Variants in PTPRN2 observed in about 807,000 individuals in gnomAD.
PTPRN2 encodes the protein receptor-type tyrosine-protein phosphatase N2.
A neutral mutation model predicts 118.8 loss-of-function variants in PTPRN2; 74 were observed. That is an observed-to-expected ratio of 0.62 (90% CI 0.52 to 0.76). PTPRN2 has a LOEUF of 0.76. PTPRN2 is among the 30% of genes least tolerant of loss of function. The pLI is 0.00. For missense variants in PTPRN2, 1,481 were observed against 1,394.4 expected (o/e 1.06, Z -0.99); for synonymous variants, 641 against 608.0 (o/e 1.05, Z -0.80).
At chr7:158,102,146 G>C (rs903984428) in intron 10 of PTPRN2, among the ~76,000 whole-genome samples, 2 of 152,182 alleles carry the variant, frequency 1.3e-5, no homozygotes, top group Non-Finnish European at 2.9e-5. Flanking sequence ...CTGGAGCCAT[G>C]ATGCTAACAG....
At chr7:157,921,566 G>T (rs1446943853) in intron 11 of PTPRN2, among the ~76,000 whole-genome samples, 1 of 152,206 alleles carries the variant, frequency 6.6e-6, no homozygotes, top group Non-Finnish European at 1.5e-5. Flanking sequence ...GGGACTGATG[G>T]TTTCTTGCAG....
rs539901584 is a variant in PTPRN2, at chr7:157,691,678, C to T, written c.1789-8741G>A. Among the ~76,000 whole-genome samples the T allele has an allele frequency of 3.7e-4, 57 of 152,352 alleles. No individual in the cohort carries two copies. The South Asian group carries it at 9.7e-3, about 26-fold the overall frequency. Reference sequence around the variant, plus strand: ...TGCGAGCTGCGTCCTTGCCCTTCCCCCTACCCAGGTCAATGGTCTGGCCTA... The same window carrying T: ...TGCGAGCTGCGTCCTTGCCCTTCCCTCTACCCAGGTCAATGGTCTGGCCTA... On this transcript the variant is annotated intron_variant, in intron 12 of 22. Transcript: ENST00000389418.
intron 11 of PTPRN2, among the ~76,000 whole-genome samples, chr7:158,001,282 G>A (rs1805238426): frequency 6.6e-6 from 1 of 151,966 alleles, no homozygotes; most frequent in African/African-American, 2.4e-5. Context: ...CACAGGTAGA[G>A]AGCAGAGGGC....
At chr7:158,502,781 TACTGTGTCCATCAGCC>T (rs1446433896) in intron 1 of PTPRN2, among the ~76,000 whole-genome samples, 3 of 151,928 alleles carry the variant, frequency 2.0e-5, no homozygotes, top group Admixed American at 6.5e-5. Context: ...GTCCATCAAC[TACTGTGTCCATCAGCC>T]ACTGTGTCCA....
At position 158,271,099 on chromosome 7, in the gene PTPRN2, G is replaced by GCCCCCTCCACCTGGACCA. The variant is rs974054579; in HGVS notation, c.277+45702_277+45719dup. ...CTGGACGACCCCCTCCACCTGGGCT[G>GCCCCCTCCACCTGGACCA]CCCCCTCCACCTGGACCACCCCCTC... is the stretch of plus-strand genomic sequence containing the variant. On this transcript the variant is annotated intron_variant, in intron 3 of 22. Transcript: ENST00000389418. Among the ~76,000 whole-genome samples the GCCCCCTCCACCTGGACCA allele has an allele frequency of 4.8e-4, 40 of 84,196 alleles. No individual in the cohort carries two copies. The Middle Eastern group carries it at 0.028, about 58-fold the overall frequency. 55.2% of individuals were successfully genotyped at this position (84,196 alleles called of 152,430 possible).
chr7:157,754,835 ACT>A (rs559793417), intron 12 of PTPRN2, among the ~76,000 whole-genome samples: 155 of 152,254 alleles, frequency 1.0e-3, no homozygotes, highest in African/African-American at 3.6e-3. Flanking sequence ...CTTCATGAAC[ACT>A]CTGCAGCGGG....
chr7:158,564,189 G>A (rs1050654930), intron 1 of PTPRN2, among the ~76,000 whole-genome samples: 2 of 152,094 alleles, frequency 1.3e-5, no homozygotes, highest in African/African-American at 4.8e-5. Flanking sequence ...GATATTCTGT[G>A]GTGTGAATAT....
intron 12 of PTPRN2, among the ~76,000 whole-genome samples, chr7:157,823,540 G>A (rs1806981269): frequency 6.6e-6 from 1 of 152,200 alleles, no homozygotes; most frequent in African/African-American, 2.4e-5. Context: ...TATCCAGAAT[G>A]GAGAGACTAG....
intron 12 of PTPRN2, among the ~76,000 whole-genome samples, chr7:157,857,086 G>T (rs576131935): frequency 6.6e-6 from 1 of 151,316 alleles, no homozygotes; most frequent in Non-Finnish European, 1.5e-5. Context: ...GCCACAGCAC[G>T]AGGGCATGGC....
chr7:158,332,273 A>T (rs1312354203), intron 2 of PTPRN2, among the ~76,000 whole-genome samples: 3,469 of 145,760 alleles, frequency 0.024, 239 homozygotes, highest in African/African-American at 0.093. Context: ...CCACACTCTC[A>T]CGATAAGAGG....
intron 2 of PTPRN2, among the ~76,000 whole-genome samples, chr7:158,332,798 G>GCAGAC (rs1414105823): frequency 2.7e-5 from 4 of 150,346 alleles, no homozygotes; most frequent in African/African-American, 9.9e-5. Context: ...GCTGATGCCT[G>GCAGAC]CAGACGTCAC....
chr7:158,517,897 TC>T lies in PTPRN2; in HGVS notation c.113-28113del, dbSNP rs1000671796. Among the ~76,000 whole-genome samples the T allele has an allele frequency of 6.6e-6, 1 of 151,500 alleles. No homozygotes were observed. The highest frequency in any genetic ancestry group is 2.4e-5 in the African/African-American group (1 of 41,174). On this transcript the variant is annotated intron_variant, in intron 1 of 22. Transcript: ENST00000389418. This position sits in a 1 kb window ranked among gnomAD's most constrained non-coding sequence, Gnocchi z 5.3. The stretch of plus-strand genomic sequence containing the variant: ...CATGCCACTGCAGAAAAACCTTCCC[TC>T]CCCCCCAGTCTGACTAGAGTCCACT...
At chr7:157,895,056 C>CCA (rs11419587) in intron 12 of PTPRN2, among the ~76,000 whole-genome samples, 2 of 151,822 alleles carry the variant, frequency 1.3e-5, no homozygotes, top group Non-Finnish European at 2.9e-5. Context: ...ACCCCTCCCC[C>CCA]ACAGGAGGGG....
At chr7:157,970,016 A>G (rs571925427) in intron 11 of PTPRN2, among the ~76,000 whole-genome samples, 1 of 152,154 alleles carries the variant, frequency 6.6e-6, no homozygotes, top group African/African-American at 2.4e-5. Context: ...GAGTCCAGGA[A>G]AAACATCACT....
intron 14 of PTPRN2, among the ~76,000 whole-genome samples, chr7:157,655,722 C>A (rs1806031069): frequency 6.6e-6 from 1 of 152,204 alleles, no homozygotes; most frequent in East Asian, 1.9e-4. Context: ...AGGCAGCCAG[C>A]AGGACGTGCT....
chr7:158,227,327 G>A (rs1184445800), intron 3 of PTPRN2, among the ~76,000 whole-genome samples: 4 of 152,174 alleles, frequency 2.6e-5, no homozygotes, highest in Admixed American at 2.6e-4. Flanking sequence ...GGGTGAGAGA[G>A]AGGCGGTATT....
intron 15 of PTPRN2, among the ~76,000 whole-genome samples, chr7:157,621,105 TCA>T (rs1803173581): frequency 7.9e-6 from 1 of 127,154 alleles, no homozygotes; most frequent in African/African-American, 2.8e-5. Flanking sequence ...TATGTACAGG[TCA>T]GCACGGCCAG....
intron 11 of PTPRN2, among the ~76,000 whole-genome samples, chr7:157,984,000 C>A (rs558313769): frequency 2.0e-4 from 31 of 152,266 alleles, no homozygotes; most frequent in Middle Eastern, 3.4e-3. Context: ...GCATCTCTTC[C>A]TGACTCGCAG....
chr7:157,546,752 T>G (rs1443825117), intron 22 of PTPRN2, among the ~76,000 whole-genome samples: 2 of 152,224 alleles, frequency 1.3e-5, no homozygotes, highest in Non-Finnish European at 2.9e-5. Context: ...ACGGAAGACC[T>G]GGCATGTAAT....
Sources: allele counts gnomAD v4.1 joint callset (sites outside exome capture counted in the v4.1 genomes callset), GRCh38; gene constraint gnomAD v4.1.1; non-coding constraint Gnocchi (gnomAD v3.1); transcripts MANE v1.5; gene names NCBI Gene and HGNC (gene_info 2026-07-23, HGNC 2026-07-21).